Variants in BRD8 observed in about 807,000 individuals in gnomAD.
BRD8 encodes bromodomain containing 8.
BRD8 carries 67 observed loss-of-function variants against 143.1 expected under a neutral mutation model. The ratio of observed to expected loss-of-function variants is 0.47; its 90% CI spans 0.38 to 0.57. BRD8 has a LOEUF of 0.57. Among genes scored for constraint, BRD8 ranks in the 20% least tolerant of loss-of-function variants. The pLI, the probability that BRD8 is intolerant of heterozygous loss-of-function variation, is 0.00. For missense variants in BRD8, 1,103 were observed against 1,503.0 expected, an observed-to-expected ratio of 0.73 and a Z score of 4.40; for synonymous variants, 505 against 517.1, an observed-to-expected ratio of 0.98 and a Z score of 0.32.
At chr5:138,141,838 G>A (rs1257020399) in intron 25 of BRD8, among the ~76,000 whole-genome samples, 1 of 152,184 alleles carries the variant, frequency 6.6e-6, no homozygotes. Context: ...TGAACTGCAG[G>A]TAAGAATCTG....
chr5:138,146,420 A>C (rs1241666850), intron 23 of BRD8, among the ~76,000 whole-genome samples: 1 of 148,094 alleles, frequency 6.8e-6, no homozygotes, highest in Non-Finnish European at 1.5e-5. Context: ...CAGTAGTGTG[A>C]TCGTGGCTTA....
chr5:138,150,033 A>T (rs1429287143), intron 22 of BRD8, among the ~76,000 whole-genome samples: 2 of 152,034 alleles, frequency 1.3e-5, no homozygotes, highest in Non-Finnish European at 2.9e-5. Flanking sequence ...ATGGAAAAGC[A>T]TTATTTGCCC....
intron 15 of BRD8, among the ~76,000 whole-genome samples, 155 bp downstream of exon 15, chr5:138,162,975 T>C (rs913376424): frequency 5.4e-5 from 8 of 148,078 alleles, no homozygotes; most frequent in Non-Finnish European, 8.9e-5. Context: ...CCCTCCAGCA[T>C]GGGTGAGTGA....
chr5:138,145,963 A>G (rs1463370043), intron 23 of BRD8, 85 bp from the exon 24 acceptor site: 1 of 1,046,460 alleles, frequency 9.6e-7, no homozygotes, highest in Non-Finnish European at 1.5e-6. Context: ...AGGTTTTCTT[A>G]AGACATGCTC....
At chr5:138,160,308 T>C in intron 18 of BRD8, 135 bp from the exon 19 acceptor site, 1 of 643,096 alleles carries the variant, frequency 1.6e-6, no homozygotes. Flanking sequence ...ATTGGAAGTT[T>C]AGCATATTAA....
chr5:138,163,856 T>G (rs746167364), intron 14 of BRD8, among the ~76,000 whole-genome samples: 26 of 152,192 alleles, frequency 1.7e-4, no homozygotes, highest in Admixed American at 9.8e-4. Context: ...TCACTCTAAG[T>G]GTATCAAGCC....
chr5:138,140,862 A>G lies in BRD8; in HGVS notation c.3458T>C (p.Leu1153Pro), dbSNP rs748166423. ...CCGACCCTTAGAGAGATTTCTCTTC[A>G]GGCTAGTTAAGTCCATGGGTCTGCA... is the stretch of plus-strand genomic sequence containing the variant. ...VVKRPMDLTS[L>P]KRNLSKGRIR... Residue 1153 changes from leucine to proline, a missense_variant, in exon 26 of 27, where the codon CTG becomes CCG. Leu to Pro is a moderately conservative substitution (Grantham distance 98, BLOSUM62 -3). This residue lies in a region of BRD8 where 369 missense variants were observed against 445.5 expected (regional missense o/e 0.83). Transcript: ENST00000254900. 18 of 1,614,084 alleles carry G rather than the reference A, an allele frequency of 1.1e-5. No individual in the cohort carries two copies. Among genetic ancestry groups the G allele is most frequent in the Non-Finnish European group, 1.4e-5 (17 of 1,180,056 alleles).
rs147346220 is a variant in BRD8 at position 138,168,571 on chromosome 5, G to A, written c.643-493C>T. 5.6e-6 allele frequency: 9 copies of A among 1,609,264 alleles called. No individual in the cohort carries two copies. In the African/African-American group the frequency reaches 6.7e-5, roughly 12 times the overall value. On this transcript the variant is annotated intron_variant, in intron 8 of 26. Coordinates refer to ENST00000254900, the MANE Select transcript of BRD8 (RefSeq NM_139199.2). ...TTCTGTCCAAGCATCTTTTTCTGGGGTGAATCATCTGTTACTGGGGTCATG... is the reference window on the plus strand; with the variant it reads ...TTCTGTCCAAGCATCTTTTTCTGGGATGAATCATCTGTTACTGGGGTCATG...
At position 138,164,421 on chromosome 5, in the gene BRD8, C is replaced by T; in HGVS notation, c.1732-8G>A. 1.2e-6 allele frequency: 2 copies of T among 1,612,310 alleles called. No individual in the cohort carries two copies. The highest frequency in any genetic ancestry group is 2.2e-5 in the South Asian group (2 of 90,936). On this transcript the variant is annotated splice_region_variant and splice_polypyrimidine_tract_variant and intron_variant, in intron 12 of 26. Transcript: ENST00000254900. ...CATGCTTTCAGGGGATGCCTGAAAA[C>T]CAGAAAAGAAAAAACACCCTAAGTA... is the stretch of plus-strand genomic sequence containing the variant.
chr5:138,148,218 C>T lies in BRD8; in HGVS notation c.3278+1422G>A, dbSNP rs193096612. Among the ~76,000 whole-genome samples the T allele has an allele frequency of 7.4e-3, 1,093 of 148,568 alleles. 2 individuals carry two copies. The highest frequency in any genetic ancestry group is 0.012 in the Non-Finnish European group (775 of 67,056). ...AAAAAAAGGGTCAGTGCATAAATCT[C>T]ATAATGTTTTAAGAATTTGTGTTTG... On this transcript the variant is annotated intron_variant, in intron 23 of 26. Coordinates refer to ENST00000254900, the MANE Select transcript of BRD8 (RefSeq NM_139199.2).
intron 25 of BRD8, among the ~76,000 whole-genome samples, chr5:138,144,763 G>A (rs1481171076): frequency 2.6e-5 from 4 of 151,932 alleles, no homozygotes; most frequent in Admixed American, 6.6e-5. Context: ...TTAGCCGGAC[G>A]TGATGGCTCA....
rs754823274 is a variant in BRD8, at chr5:138,163,141, A to G, written c.2076T>C (p.Ala692=). The change falls in exon 15 of 27, where the codon GCT becomes GCC. Residue 692 remains alanine (A), a synonymous_variant. Transcript: ENST00000254900. Reference sequence around the variant, plus strand: ...TCTCAGATACTCACAACTGTGAAGAAGCAGGGCTGCTGGGGATGGAGTCTG... The same window carrying G: ...TCTCAGATACTCACAACTGTGAAGAGGCAGGGCTGCTGGGGATGGAGTCTG... ...TLADSIPSSP[A]SSQFSVCSED... 3 of 1,614,050 alleles carry G rather than the reference A, an allele frequency of 1.9e-6. No individual in the cohort carries two copies. The highest frequency in any genetic ancestry group is 2.5e-6 in the Non-Finnish European group (3 of 1,179,996).
At chr5:138,140,248 A>C in intron 26 of BRD8, 82 bp from the exon 27 acceptor site, 1 of 992,416 alleles carries the variant, frequency 1.0e-6, no homozygotes, top group South Asian at 1.4e-5. Context: ...TGGCAAATAG[A>C]CTCAACTATA....
At position 138,171,191 on chromosome 5, in the gene BRD8, T is replaced by C. The variant is rs768765560; in HGVS notation, c.237-31A>G. 2.5e-6 allele frequency: 4 copies of C among 1,589,284 alleles called. No homozygotes were observed. The South Asian group carries it at 3.4e-5, about 14-fold the overall frequency. On this transcript the variant is annotated intron_variant, in intron 4 of 26. Coordinates refer to ENST00000254900, the MANE Select transcript of BRD8 (RefSeq NM_139199.2). ...GAAAATTGAAAAAAAAAAATTCATA[T>C]TCAAATAACATAACATTTATCCCCT...
chr5:138,178,483 C>T, intron 1 of BRD8, 113 bp downstream of exon 1: 1 of 1,005,648 alleles, frequency 9.9e-7, no homozygotes. Flanking sequence ...TCTCTGAAAA[C>T]CCTGGGCTCT....
intron 20 of BRD8, among the ~76,000 whole-genome samples, chr5:138,154,570 T>C (rs1752497869): frequency 6.6e-6 from 1 of 152,364 alleles, no homozygotes; most frequent in Non-Finnish European, 1.5e-5. Context: ...AGGAATTTCA[T>C]GTTCTAACTC....
intron 16 of BRD8, 62 bp downstream of exon 16, chr5:138,161,992 T>G: frequency 6.3e-7 from 1 of 1,576,636 alleles, no homozygotes; most frequent in Middle Eastern, 1.7e-4. Context: ...CAGACTTTTT[T>G]CCAGTCACCA....
At chr5:138,172,875 A>G (rs937424468) in intron 2 of BRD8, 9 of 321,198 alleles carry the variant, frequency 2.8e-5, no homozygotes, top group Non-Finnish European at 5.4e-5. Context: ...AAAAAAAAGA[A>G]CAGCATATAT....
At chr5:138,148,622 G>C (rs968929305) in intron 23 of BRD8, among the ~76,000 whole-genome samples, 2 of 152,108 alleles carry the variant, frequency 1.3e-5, no homozygotes, top group East Asian at 3.9e-4. Flanking sequence ...TCCTGCCTCT[G>C]CCTCCCAAAG....
Sources: gnomAD v4.1 joint callset for allele counts (sites outside exome capture counted in the v4.1 genomes callset) on GRCh38, gnomAD v4.1.1 for gene constraint, gnomAD v4.1.1 regional missense constraint, MANE v1.5 for transcripts, NCBI Gene and HGNC (gene_info 2026-07-23, HGNC 2026-07-21) for gene names.